GRIK2: variants seen among roughly 807,000 people sequenced by gnomAD.
GRIK2 encodes the protein glutamate receptor ionotropic, kainate 2.
A neutral mutation model predicts 100.3 loss-of-function variants in GRIK2; 32 were observed. The ratio of observed to expected loss-of-function variants is 0.32; its 90% CI spans 0.24 to 0.43. The LOEUF (loss-of-function observed/expected upper bound fraction) is 0.43, where lower values mean the gene tolerates loss of function less well. Ranked by LOEUF, GRIK2 falls within the 20% of genes least tolerant of loss-of-function variation. GRIK2 has a pLI of 1.00. For missense variants in GRIK2, 843 were observed against 1,114.9 expected, an observed-to-expected ratio of 0.76 and a Z score of 3.47; for synonymous variants, 417 against 389.4, an observed-to-expected ratio of 1.07 and a Z score of -0.83.
intron 7 of GRIK2, among the ~76,000 whole-genome samples, chr6:101,755,601 T>G (rs1583080804): frequency 1.3e-5 from 2 of 152,332 alleles, no homozygotes; most frequent in South Asian, 4.1e-4. Flanking sequence ...GAGTTCCATC[T>G]TCCAGATAAA....
intron 14 of GRIK2, among the ~76,000 whole-genome samples, chr6:102,024,070 G>C (rs1769568604): frequency 6.6e-6 from 1 of 150,816 alleles, no homozygotes; most frequent in African/African-American, 2.4e-5. Flanking sequence ...TGAAAGTAAA[G>C]TAAATTCAGG....
intron 10 of GRIK2, among the ~76,000 whole-genome samples, chr6:101,821,407 A>G (rs1210739217): frequency 6.6e-6 from 1 of 152,124 alleles, no homozygotes; most frequent in African/African-American, 2.4e-5. Context: ...CTGGACTTTG[A>G]ATCTTGGACA....
intron 2 of GRIK2, among the ~76,000 whole-genome samples, chr6:101,546,057 T>C (rs1203555560): frequency 1.3e-5 from 2 of 152,136 alleles, no homozygotes; most frequent in Non-Finnish European, 2.9e-5. Flanking sequence ...CCTTACTTAC[T>C]TAAATGTATT....
At chr6:101,468,707 A>G (rs1054060294) in intron 2 of GRIK2, among the ~76,000 whole-genome samples, 1 of 152,180 alleles carries the variant, frequency 6.6e-6, no homozygotes, top group African/African-American at 2.4e-5. Context: ...GGATCCTAGT[A>G]TAACTTAACA....
At chr6:102,061,390 TTCCAAGTTCAAAGATG>T (rs1771743455) in intron 16 of GRIK2, among the ~76,000 whole-genome samples, 1 of 150,560 alleles carries the variant, frequency 6.6e-6, no homozygotes, top group Non-Finnish European at 1.5e-5. Flanking sequence ...TGAAGTTGTT[TTCCAAGTTCAAAGATG>T]CCTAGTCTAA....
At position 101,500,611 on chromosome 6, in the gene GRIK2, A is replaced by G. The variant is rs1294757372; in HGVS notation, c.115+101219A>G. Among the ~76,000 whole-genome samples, 3 of 152,112 alleles carry G rather than the reference A, an allele frequency of 2.0e-5. No individual in the cohort carries two copies. The East Asian group carries it at 5.8e-4, about 29-fold the overall frequency. On this transcript the variant is annotated intron_variant, in intron 2 of 16. Coordinates refer to ENST00000369134, the MANE Select transcript of GRIK2 (RefSeq NM_021956.5). ...AGGTCAACTAGAGCTTAGAAGAAAA[A>G]GCGTGAACTTGTTTTTTCTTGGTAG... is the stretch of plus-strand genomic sequence containing the variant.
chr6:101,430,540 G>A (rs537175385), intron 2 of GRIK2: 1 of 168,116 alleles, frequency 5.9e-6, no homozygotes, highest in Non-Finnish European at 1.3e-5. Flanking sequence ...TCCGGGCAGT[G>A]ATCTCCTTCT....
chr6:101,924,408 A>T (rs1169835358), intron 12 of GRIK2, among the ~76,000 whole-genome samples, 193 bp from the exon 13 acceptor site: 1 of 152,176 alleles, frequency 6.6e-6, no homozygotes, highest in Non-Finnish European at 1.5e-5. Context: ...TTACTGTGGA[A>T]ATTAGCTGAT....
intron 16 of GRIK2, among the ~76,000 whole-genome samples, chr6:102,067,996 T>C (rs1772101881): frequency 6.6e-6 from 1 of 151,898 alleles, no homozygotes. Flanking sequence ...TGGTATAGAA[T>C]TGTCATTGTA....
chr6:101,581,493 A>G (rs1372250971), intron 2 of GRIK2, among the ~76,000 whole-genome samples: 2 of 152,018 alleles, frequency 1.3e-5, no homozygotes, highest in Non-Finnish European at 2.9e-5. Flanking sequence ...AGTCTGGGAG[A>G]CTAAGTCAGT....
chr6:102,009,653 T>C lies in GRIK2; in HGVS notation c.2086-25688T>C, dbSNP rs112774192. ...TACAAAAAGTCTTTGATACTCTAAG[T>C]TTCCTTATCAAACTAATGAGTTTAC... is the stretch of plus-strand genomic sequence containing the variant. On this transcript the variant is annotated intron_variant, in intron 14 of 16. Transcript: ENST00000369134. Among the ~76,000 whole-genome samples, 311 of 152,268 alleles carry C rather than the reference T, an allele frequency of 2.0e-3. 1 individual carries two copies. The highest frequency in any genetic ancestry group is 7.3e-3 in the African/African-American group (304 of 41,564).
At chr6:102,028,695 ATATAAC>A (rs778707316) in intron 14 of GRIK2, among the ~76,000 whole-genome samples, 38 of 150,790 alleles carry the variant, frequency 2.5e-4, no homozygotes, top group South Asian at 4.2e-4. Flanking sequence ...ACTCTGTATA[ATATAAC>A]TATAAGGATA....
intron 4 of GRIK2, among the ~76,000 whole-genome samples, chr6:101,636,459 C>A (rs774999290): frequency 6.6e-6 from 1 of 151,920 alleles, no homozygotes; most frequent in Non-Finnish European, 1.5e-5. Flanking sequence ...CGTAACATAC[C>A]TGCATGTTCT....
intron 7 of GRIK2, among the ~76,000 whole-genome samples, chr6:101,793,740 C>G (rs995499354): frequency 1.3e-5 from 2 of 152,172 alleles, no homozygotes; most frequent in Admixed American, 6.5e-5. Flanking sequence ...CTCTTCAAAG[C>G]TGTCAGACAG....
chr6:101,855,900 T>C (rs1784402692), intron 10 of GRIK2, among the ~76,000 whole-genome samples: 1 of 152,188 alleles, frequency 6.6e-6, no homozygotes, highest in African/African-American at 2.4e-5. Flanking sequence ...ACATGAGCCA[T>C]GATTCTAGCA....
At chr6:101,720,932 T>A (rs1450941781) in intron 7 of GRIK2, among the ~76,000 whole-genome samples, 3 of 152,070 alleles carry the variant, frequency 2.0e-5, no homozygotes, top group African/African-American at 4.8e-5. Flanking sequence ...TATTTTGATG[T>A]CTAGGTTCCT....
intron 11 of GRIK2, among the ~76,000 whole-genome samples, chr6:101,880,885 T>C (rs1786195371): frequency 6.6e-6 from 1 of 152,112 alleles, no homozygotes; most frequent in Admixed American, 6.6e-5. Flanking sequence ...AAAATATATT[T>C]ATAAAAAGAG....
At chr6:101,464,591 G>A (rs1431853149) in intron 2 of GRIK2, among the ~76,000 whole-genome samples, 3 of 124,144 alleles carry the variant, frequency 2.4e-5, no homozygotes, top group African/African-American at 6.0e-5. Flanking sequence ...ATCTCGGCTC[G>A]CTGCAAGCTC....
intron 7 of GRIK2, among the ~76,000 whole-genome samples, chr6:101,711,260 G>A (rs966793897): frequency 4.6e-5 from 7 of 151,796 alleles, no homozygotes; most frequent in African/African-American, 1.7e-4. Context: ...CAAATGCAAT[G>A]TAATGATGAA....
Sources: allele counts gnomAD v4.1 joint callset (sites outside exome capture counted in the v4.1 genomes callset), GRCh38; gene constraint gnomAD v4.1.1; transcripts MANE v1.5; gene names NCBI Gene and HGNC (gene_info 2026-07-23, HGNC 2026-07-21).